SGIP1: variants seen among roughly 807,000 people sequenced by gnomAD.
The protein encoded by SGIP1 is SH3-containing GRB2-like protein 3-interacting protein 1.
Under a neutral mutation model 107.5 loss-of-function variants are expected in SGIP1, and 38 were observed. That is an observed-to-expected ratio of 0.35 (90% CI 0.27 to 0.46). The LOEUF is 0.46. Among genes scored for constraint, SGIP1 ranks in the 20% least tolerant of loss-of-function variants. SGIP1 has a pLI of 1.00. For synonymous variants in SGIP1, 365 were observed against 366.1 expected, an observed-to-expected ratio of 1.00 and a Z score of 0.03; for missense variants, 929 against 1,019.5, an observed-to-expected ratio of 0.91 and a Z score of 1.21.
chr1:66,705,615 A>G (rs1206717575), intron 18 of SGIP1, among the ~76,000 whole-genome samples: 2 of 152,136 alleles, frequency 1.3e-5, no homozygotes, highest in Non-Finnish European at 2.9e-5. Context: ...AGGCAGGCAA[A>G]CAATGGCAGA....
At chr1:66,666,925 A>G (rs1571519979) in intron 8 of SGIP1, 1 of 152,244 alleles carries the variant, frequency 6.6e-6, no homozygotes, top group Non-Finnish European at 1.5e-5. Flanking sequence ...TCGCCATCAC[A>G]TTCTCATCAT....
chr1:66,605,837 G>C (rs1466393892), intron 1 of SGIP1, among the ~76,000 whole-genome samples: 1 of 152,140 alleles, frequency 6.6e-6, no homozygotes, highest in African/African-American at 2.4e-5. Context: ...GCCGTGTCTT[G>C]AGAGAAAAGG....
chr1:66,631,988 A>G (rs1308527098), intron 2 of SGIP1, among the ~76,000 whole-genome samples: 1 of 152,162 alleles, frequency 6.6e-6, no homozygotes, highest in Non-Finnish European at 1.5e-5. Flanking sequence ...TGCTCTTGTA[A>G]TCCAGTTTTC....
At chr1:66,690,418 T>G (rs966093081) in intron 17 of SGIP1, 102 bp downstream of exon 17, 1 of 1,514,564 alleles carries the variant, frequency 6.6e-7, no homozygotes. Flanking sequence ...GAAATTGTTT[T>G]GCTGTGTGTT....
chr1:66,561,139 G>T (rs1233515338), intron 1 of SGIP1, among the ~76,000 whole-genome samples: 1 of 151,990 alleles, frequency 6.6e-6, no homozygotes, highest in Non-Finnish European at 1.5e-5. Flanking sequence ...TACCCAACAG[G>T]CATTGTCTCA....
At chr1:66,693,957 T>C (rs2090378810) in intron 17 of SGIP1, among the ~76,000 whole-genome samples, 1 of 152,238 alleles carries the variant, frequency 6.6e-6, no homozygotes, top group African/African-American at 2.4e-5. Flanking sequence ...CTGTTGCTTT[T>C]TTATGGCCAT....
chr1:66,606,494 G>A (rs936503780), intron 1 of SGIP1, among the ~76,000 whole-genome samples: 2 of 152,152 alleles, frequency 1.3e-5, no homozygotes, highest in Non-Finnish European at 2.9e-5. Flanking sequence ...AGGAACAGAT[G>A]GATGACTAGA....
At chr1:66,562,946 T>C (rs1009494594) in intron 1 of SGIP1, among the ~76,000 whole-genome samples, 3 of 152,030 alleles carry the variant, frequency 2.0e-5, no homozygotes, top group African/African-American at 7.2e-5. Context: ...TGCTGTAATG[T>C]AATCCTTTGT....
chr1:66,671,911 T>C, intron 10 of SGIP1, 33 bp from the exon 11 acceptor site: 1 of 1,609,756 alleles, frequency 6.2e-7, no homozygotes, highest in East Asian at 2.2e-5. Flanking sequence ...TGGTAAAAAT[T>C]TGTCTAAAAA....
intron 1 of SGIP1, among the ~76,000 whole-genome samples, chr1:66,590,810 G>T (rs1415395194): frequency 6.6e-6 from 1 of 152,100 alleles, no homozygotes; most frequent in Non-Finnish European, 1.5e-5. Flanking sequence ...AGTTGCCCAG[G>T]CTGGTCTCAA....
At chr1:66,719,753 A>G (rs2093428905) in intron 19 of SGIP1, among the ~76,000 whole-genome samples, 1 of 152,186 alleles carries the variant, frequency 6.6e-6, no homozygotes. Context: ...CACAAAAGTA[A>G]ATGTGCAGAT....
rs978960467 is a variant in SGIP1, at chr1:66,665,445, T to G, written c.472-2085T>G. 6.8e-4 allele frequency among the ~76,000 whole-genome samples: 103 copies of G among 152,340 alleles called. 1 individual carries two copies. The highest frequency in any genetic ancestry group is 9.1e-4 in the Non-Finnish European group (62 of 68,022). ...CACAATAAACATACGTGTGCATGTG[T>G]CTTTATAGCAGCATGATTTATAATC... On this transcript the variant is annotated intron_variant, in intron 8 of 24. Coordinates refer to ENST00000371037, the MANE Select transcript of SGIP1 (RefSeq NM_032291.4).
At position 66,705,812 on chromosome 1, in the gene SGIP1, T is replaced by C. The variant is rs113918586; in HGVS notation, c.1630+10319T>C. On this transcript the variant is annotated intron_variant, in intron 18 of 24. Transcript: ENST00000371037. ...ATGGGTTCTCACTCATAAGTAGGAG[T>C]TGAACAATGAGAACACATGGACACA... Among the ~76,000 whole-genome samples the C allele has an allele frequency of 5.0e-3, 758 of 151,806 alleles. 6 individuals carry two copies. Among genetic ancestry groups the C allele is most frequent in the African/African-American group, 0.018 (735 of 41,380 alleles).
intron 2 of SGIP1, among the ~76,000 whole-genome samples, chr1:66,631,364 T>A (rs2074645715): frequency 6.6e-6 from 1 of 152,204 alleles, no homozygotes; most frequent in East Asian, 1.9e-4. Flanking sequence ...TTAAATAAAA[T>A]TTTTTCAAAC....
Position 66,534,291 on chromosome 1 carries a change from G to C in SGIP1, c.-68G>C, listed in dbSNP as rs1021100090. 5.7e-6 allele frequency: 9 copies of C among 1,570,588 alleles called. No individual in the cohort carries two copies. The highest frequency in any genetic ancestry group is 7.9e-6 in the Non-Finnish European group (9 of 1,140,550). On this transcript the variant is annotated 5_prime_UTR_variant, in exon 1 of 25. Transcript: ENST00000371037. ...AGCGGCGTGGTGAGGACTTAGCTGGGACCTGGAATCGTATCCTCCTGTGTT... is the reference window on the plus strand; with the variant it reads ...AGCGGCGTGGTGAGGACTTAGCTGGCACCTGGAATCGTATCCTCCTGTGTT...
chr1:66,661,731 A>C (rs1456937841), intron 8 of SGIP1, among the ~76,000 whole-genome samples: 4 of 152,160 alleles, frequency 2.6e-5, no homozygotes, highest in South Asian at 2.1e-4. Context: ...ATTTTCCTGA[A>C]TTAACCAAAT....
chr1:66,735,547 G>A lies in SGIP1; in HGVS notation c.2031+1667G>A, dbSNP rs1490518082. ...AAGAGTGAGATCGTGTGGGCCGGGC[G>A]CGGTGGCTCACGCCTGTAATCCCAG... is the stretch of plus-strand genomic sequence containing the variant. On this transcript the variant is annotated intron_variant, in intron 21 of 24. Coordinates refer to ENST00000371037, the MANE Select transcript of SGIP1 (RefSeq NM_032291.4). 3.6e-4 allele frequency among the ~76,000 whole-genome samples: 6 copies of A among 16,542 alleles called. 3 individuals are homozygous for A. Among genetic ancestry groups the A allele is most frequent in the Non-Finnish European group, 1.1e-3 (6 of 5,656 alleles). 10.9% of individuals were successfully genotyped at this position (16,542 alleles called of 152,430 possible). A position where few individuals can be genotyped will look rare whatever the true frequency, so the allele number is the denominator to read the frequency against.
In SGIP1 at chr1:66,741,414, C is replaced by T. The variant is rs368837132; in HGVS notation, c.2442C>T (p.Leu814=). The change falls in exon 24 of 25, where the codon CTC becomes CTT. Residue 814 remains leucine (L), a synonymous_variant. Transcript: ENST00000371037. ...TTGGAGCAGGGTATCGATTTTCACT[C>T]ATCAAGAAAAGGTTTGCTGCAGGTA... ...ELVGAGYRFS[L]IKKRFAAGKY... 1.3e-5 allele frequency: 20 copies of T among 1,585,708 alleles called. No individual in the cohort carries two copies. The African/African-American group carries it at 1.8e-4, about 14-fold the overall frequency.
At chr1:66,598,736 C>T (rs1007418629) in intron 1 of SGIP1, among the ~76,000 whole-genome samples, 2 of 152,172 alleles carry the variant, frequency 1.3e-5, no homozygotes, top group Non-Finnish European at 2.9e-5. Context: ...ATCACCAGAA[C>T]ATCACCGAAG....
Sources: gnomAD v4.1 joint callset for allele counts (sites outside exome capture counted in the v4.1 genomes callset) on GRCh38, gnomAD v4.1.1 for gene constraint, MANE v1.5 for transcripts, NCBI Gene and HGNC (gene_info 2026-07-23, HGNC 2026-07-21) for gene names.